Variants in GALNT13 observed in about 807,000 individuals in gnomAD.
GALNT13 encodes UDP-GalNAc:polypeptide N-acetylgalactosaminyltransferase 13.
In GALNT13, 28 loss-of-function variants were observed where a neutral mutation model predicts 64.2. That is an observed-to-expected ratio of 0.44 (90% CI 0.32 to 0.60). The LOEUF is 0.60. Ranked by LOEUF, GALNT13 falls within the 20% of genes least tolerant of loss-of-function variation. The pLI is 0.05. For synonymous variants in GALNT13, 214 were observed against 224.6 expected, an observed-to-expected ratio of 0.95 and a Z score of 0.42; for missense variants, 577 against 669.8, an observed-to-expected ratio of 0.86 and a Z score of 1.53.
chr2:154,035,458 C>T (rs10169070), intron 3 of GALNT13, among the ~76,000 whole-genome samples: 9,283 of 151,990 alleles, frequency 0.061, 589 homozygotes, highest in African/African-American at 0.16. Context: ...GTTGTTTCTC[C>T]ATCACAGAAT....
chr2:153,623,828 A>G, the GALNT13 span, among the ~76,000 whole-genome samples: 3 of 152,034 alleles, frequency 2.0e-5, no homozygotes, highest in Non-Finnish European at 4.4e-5. Context: ...CACCAATCCA[A>G]TTCCTATTTA....
intron 3 of GALNT13, among the ~76,000 whole-genome samples, chr2:154,009,782 C>T (rs1696503721): frequency 6.6e-6 from 1 of 152,076 alleles, no homozygotes; most frequent in Non-Finnish European, 1.5e-5. Flanking sequence ...ATTGATTCTC[C>T]CTATCTATGA....
the GALNT13 span, among the ~76,000 whole-genome samples, chr2:153,157,744 A>G: frequency 6.6e-6 from 1 of 152,162 alleles, no homozygotes; most frequent in African/African-American, 2.4e-5. Flanking sequence ...TAGTACCAAA[A>G]CTTTAAAATA....
the GALNT13 span, among the ~76,000 whole-genome samples, chr2:153,778,651 C>T: frequency 1.2e-4 from 19 of 152,280 alleles, no homozygotes; most frequent in African/African-American, 4.6e-4. Flanking sequence ...CAAAAATGAT[C>T]ACATTAAAAG....
chr2:153,484,078 G>A, the GALNT13 span, among the ~76,000 whole-genome samples: 1 of 152,060 alleles, frequency 6.6e-6, no homozygotes, highest in Non-Finnish European at 1.5e-5. Context: ...TTTTAAATTA[G>A]ATTTGAGATA....
intron 9 of GALNT13, among the ~76,000 whole-genome samples, chr2:154,346,396 A>G (rs571212822): frequency 6.6e-6 from 1 of 152,062 alleles, no homozygotes; most frequent in South Asian, 2.1e-4. Flanking sequence ...CTGTGTCCCT[A>G]CCCAAGTCTC....
the GALNT13 span, among the ~76,000 whole-genome samples, chr2:153,786,254 T>C: frequency 6.6e-6 from 1 of 152,038 alleles, no homozygotes; most frequent in African/African-American, 2.4e-5. Context: ...TGGTATTTAT[T>C]ACCCTAACAG....
chr2:153,125,388 G>A, the GALNT13 span, among the ~76,000 whole-genome samples: 1 of 152,130 alleles, frequency 6.6e-6, no homozygotes, highest in South Asian at 2.1e-4. Flanking sequence ...GGAGCTCATG[G>A]GTCATTAAAG....
chr2:153,188,654 A>C, the GALNT13 span, among the ~76,000 whole-genome samples: 1 of 152,148 alleles, frequency 6.6e-6, no homozygotes, highest in Admixed American at 6.6e-5. Context: ...TATATACTTA[A>C]AGTGAACTTT....
At chr2:153,311,243 A>G in the GALNT13 span, among the ~76,000 whole-genome samples, 1 of 152,230 alleles carries the variant, frequency 6.6e-6, no homozygotes, top group Non-Finnish European at 1.5e-5. Context: ...GTTTTAATTC[A>G]AAGGAACAAA....
chr2:153,270,466 G>A, the GALNT13 span, among the ~76,000 whole-genome samples: 2 of 152,168 alleles, frequency 1.3e-5, no homozygotes, highest in African/African-American at 4.8e-5. Flanking sequence ...AACATAGGCA[G>A]TTTGACTTCA....
chr2:153,913,738 A>C (rs544310788), intron 2 of GALNT13, among the ~76,000 whole-genome samples: 2 of 152,064 alleles, frequency 1.3e-5, no homozygotes, highest in Non-Finnish European at 2.9e-5. Context: ...GTCCTGGTGA[A>C]CGGCAGTCCC....
intron 11 of GALNT13, among the ~76,000 whole-genome samples, chr2:154,411,916 G>A (rs1290944443): frequency 6.6e-6 from 1 of 151,536 alleles, no homozygotes; most frequent in Non-Finnish European, 1.5e-5. Context: ...ATGAACAAAA[G>A]ATTTCATTCA....
the GALNT13 span, among the ~76,000 whole-genome samples, chr2:153,540,646 A>G: frequency 0.015 from 2,210 of 152,350 alleles, 54 homozygotes; most frequent in African/African-American, 0.05. Context: ...CAGGGGCAGA[A>G]CTGCCCAAGT....
chr2:154,286,454 G>C (rs892635009), intron 8 of GALNT13: 1 of 152,848 alleles, frequency 6.5e-6, no homozygotes, highest in Non-Finnish European at 1.5e-5. Flanking sequence ...TCTTCATTTT[G>C]TTAGACATGC....
chr2:154,279,785 A>G (rs908560587), intron 8 of GALNT13, among the ~76,000 whole-genome samples: 1 of 152,128 alleles, frequency 6.6e-6, no homozygotes, highest in Non-Finnish European at 1.5e-5. Flanking sequence ...TTCATTGACT[A>G]TTACCAATTA....
At chr2:153,294,930 A>C in the GALNT13 span, among the ~76,000 whole-genome samples, 10 of 152,218 alleles carry the variant, frequency 6.6e-5, no homozygotes, top group African/African-American at 1.7e-4. Flanking sequence ...CAAGAACAAA[A>C]GAATATCAAA....
the GALNT13 span, among the ~76,000 whole-genome samples, chr2:153,391,451 C>G: frequency 6.6e-6 from 1 of 151,872 alleles, no homozygotes; most frequent in African/African-American, 2.4e-5. Flanking sequence ...CTGTGACTAA[C>G]CACTTGTAAA....
intron 10 of GALNT13, among the ~76,000 whole-genome samples, chr2:154,402,098 T>C (rs1699327376): frequency 6.6e-6 from 1 of 152,196 alleles, no homozygotes; most frequent in African/African-American, 2.4e-5. Flanking sequence ...TTGACATTTG[T>C]AAAATAATGA....
Sources: allele counts gnomAD v4.1 joint callset (sites outside exome capture counted in the v4.1 genomes callset), GRCh38; gene constraint gnomAD v4.1.1; transcripts MANE v1.5; gene names NCBI Gene and HGNC (gene_info 2026-07-23, HGNC 2026-07-21).